The following APBB2 variants were observed in gnomAD, a reference collection of about 807,000 sequenced individuals.
APBB2 encodes the protein amyloid beta precursor protein binding family B member 2.
Under a neutral mutation model 82.5 loss-of-function variants are expected in APBB2, and 38 were observed. The observed-to-expected ratio is 0.46, with a 90% CI of 0.36 to 0.60. APBB2 has a LOEUF of 0.60. Ranked by LOEUF, APBB2 falls within the 20% of genes least tolerant of loss-of-function variation. APBB2 has a pLI of 0.00. For missense variants in APBB2, 772 were observed against 972.3 expected (o/e 0.79, Z 2.74); for synonymous variants, 341 against 368.2 (o/e 0.93, Z 0.85).
intron 3 of APBB2, among the ~76,000 whole-genome samples, chr4:41,083,898 C>T (rs982400916): frequency 1.3e-5 from 2 of 151,526 alleles, no homozygotes; most frequent in Non-Finnish European, 2.9e-5. Flanking sequence ...CATTCATAGG[C>T]CTTAAAAAAT....
chr4:41,211,289 G>A (rs62410040), intron 1 of APBB2, among the ~76,000 whole-genome samples: 2,106 of 151,740 alleles, frequency 0.014, 19 homozygotes, highest in African/African-American at 0.029. Context: ...ACTAGGCACT[G>A]AACAAATGCT....
At chr4:41,165,473 G>A (rs950421723) in intron 1 of APBB2, among the ~76,000 whole-genome samples, 10 of 152,130 alleles carry the variant, frequency 6.6e-5, no homozygotes, top group African/African-American at 2.4e-4. Context: ...TCTCAGAATC[G>A]GTTTTTTCTC....
chr4:41,075,875 G>C (rs1735476676), intron 3 of APBB2, among the ~76,000 whole-genome samples: 2 of 152,180 alleles, frequency 1.3e-5, no homozygotes, highest in South Asian at 4.1e-4. Context: ...GAATAAAACT[G>C]AAAAGTATAG....
intron 6 of APBB2, among the ~76,000 whole-genome samples, chr4:40,993,948 C>A (rs1200297267): frequency 1.3e-5 from 2 of 152,012 alleles, no homozygotes; most frequent in African/African-American, 4.8e-5. Flanking sequence ...CTACCTGCGT[C>A]TGAGTCTGTA....
intron 12 of APBB2, among the ~76,000 whole-genome samples, chr4:40,878,847 G>A (rs1034666206): frequency 1.3e-5 from 2 of 151,794 alleles, no homozygotes; most frequent in Non-Finnish European, 2.9e-5. Flanking sequence ...TTTTTCTTTG[G>A]CCCCACGTCT....
At chr4:40,959,293 C>G (rs866525071) in intron 6 of APBB2, among the ~76,000 whole-genome samples, 11 of 152,164 alleles carry the variant, frequency 7.2e-5, no homozygotes, top group African/African-American at 2.7e-4. Flanking sequence ...CTTTCTTTGG[C>G]TTCCATACAA....
rs542360576 is a variant in APBB2, at chr4:41,134,737, A to T, written c.-261+8250T>A. On this transcript the variant is annotated intron_variant, in intron 2 of 17. Transcript: ENST00000508593. Reference sequence around the variant, plus strand: ...TGCCCCCGCCTTGAGCCACTCCCATAAGATACTGAGAAAGTGCTTAGTACT... The same window carrying T: ...TGCCCCCGCCTTGAGCCACTCCCATTAGATACTGAGAAAGTGCTTAGTACT... Among the ~76,000 whole-genome samples, 18 of 152,258 alleles carry T rather than the reference A, an allele frequency of 1.2e-4. No homozygotes were observed. The South Asian group carries it at 3.7e-3, about 32-fold the overall frequency.
intron 12 of APBB2, among the ~76,000 whole-genome samples, chr4:40,833,666 A>C (rs1464335003): frequency 6.6e-6 from 1 of 152,134 alleles, no homozygotes; most frequent in Admixed American, 6.5e-5. Context: ...CCCACATTCG[A>C]GTCTCAGCCC....
chr4:40,997,063 C>A (rs181341883), intron 6 of APBB2, among the ~76,000 whole-genome samples: 1 of 152,178 alleles, frequency 6.6e-6, no homozygotes, highest in Non-Finnish European at 1.5e-5. Context: ...CTCACCCTCA[C>A]CTATCATGAT....
At chr4:40,948,918 T>TAAAAAA (rs1789271495) in intron 6 of APBB2, among the ~76,000 whole-genome samples, 1 of 115,006 alleles carries the variant, frequency 8.7e-6, no homozygotes, top group African/African-American at 3.7e-5. Context: ...AAAAAAAAAT[T>TAAAAAA]ACACATTTAA....
Position 40,837,098 on chromosome 4 carries a change from C to T in APBB2, c.1530-6521G>A, listed in dbSNP as rs947209448. Among the ~76,000 whole-genome samples, 10 of 152,196 alleles carry T rather than the reference C, an allele frequency of 6.6e-5. No homozygotes were observed. In the East Asian group the frequency reaches 1.9e-3, roughly 29 times the overall value. On this transcript the variant is annotated intron_variant, in intron 12 of 17. Coordinates refer to ENST00000508593, the MANE Select transcript of APBB2 (RefSeq NM_004307.2). ...GGAGAAGAAATTGCTTTGTAGTAAA[C>T]ACACCTCCACACTCAGAGTGTTCCT...
intron 10 of APBB2, among the ~76,000 whole-genome samples, chr4:40,924,028 G>A (rs1347687151): frequency 6.6e-6 from 1 of 152,228 alleles, no homozygotes; most frequent in South Asian, 2.1e-4. Flanking sequence ...ACCACTCAAC[G>A]GAAAAGCAGG....
intron 6 of APBB2, among the ~76,000 whole-genome samples, chr4:40,972,584 T>C (rs1480224497): frequency 6.6e-6 from 1 of 152,218 alleles, no homozygotes; most frequent in Non-Finnish European, 1.5e-5. Flanking sequence ...ATGTATTCAT[T>C]CATCAGTTCA....
At chr4:40,899,204 C>T (rs1478009858) in intron 10 of APBB2, among the ~76,000 whole-genome samples, 4 of 152,214 alleles carry the variant, frequency 2.6e-5, no homozygotes, top group African/African-American at 4.8e-5. Flanking sequence ...CAAATGTTGT[C>T]AGGATTAACT....
chr4:41,165,173 C>T (rs1280961645), intron 1 of APBB2, among the ~76,000 whole-genome samples: 1 of 151,276 alleles, frequency 6.6e-6, no homozygotes, highest in Non-Finnish European at 1.5e-5. Flanking sequence ...CCAAAGAACC[C>T]CAGGTGTGCC....
At chr4:40,970,359 G>A (rs1218217529) in intron 6 of APBB2, among the ~76,000 whole-genome samples, 3 of 152,032 alleles carry the variant, frequency 2.0e-5, no homozygotes, top group South Asian at 2.1e-4. Flanking sequence ...TCGATGCCCC[G>A]TTTAGTATGG....
At chr4:40,861,386 G>T (rs1315342436) in intron 12 of APBB2, among the ~76,000 whole-genome samples, 1 of 151,980 alleles carries the variant, frequency 6.6e-6, no homozygotes, top group Non-Finnish European at 1.5e-5. Context: ...CATTAGCCAG[G>T]TGTGGTGGCT....
At chr4:40,901,543 G>A (rs965981522) in intron 10 of APBB2, among the ~76,000 whole-genome samples, 5 of 151,914 alleles carry the variant, frequency 3.3e-5, no homozygotes, top group Admixed American at 3.3e-4. Context: ...ACTGAGTCTC[G>A]CTGTCTGCCA....
intron 6 of APBB2, among the ~76,000 whole-genome samples, chr4:40,991,139 C>T (rs1405633863): frequency 3.4e-5 from 5 of 148,006 alleles, no homozygotes; most frequent in Non-Finnish European, 1.5e-5. Flanking sequence ...TGTGCCACTA[C>T]GCATGGCTAA....
Sources: gnomAD v4.1 joint callset for allele counts (sites outside exome capture counted in the v4.1 genomes callset) on GRCh38, gnomAD v4.1.1 for gene constraint, MANE v1.5 for transcripts, NCBI Gene and HGNC (gene_info 2026-07-23, HGNC 2026-07-21) for gene names.